Variants in SLC16A7 observed in about 807,000 individuals in gnomAD.
The protein encoded by SLC16A7 is monocarboxylate transporter 2.
A neutral mutation model predicts 34.9 loss-of-function variants in SLC16A7; 33 were observed. That is an observed-to-expected ratio of 0.94 (90% confidence interval 0.72 to 1.26). SLC16A7 has a LOEUF of 1.26. Ranked by LOEUF, SLC16A7 falls within the 50% of genes most tolerant of loss-of-function variation. The pLI is 0.00. For synonymous variants in SLC16A7, 201 were observed against 206.6 expected (o/e 0.97, Z 0.23); for missense variants, 573 against 578.1 (o/e 0.99, Z 0.09).
intron 2 of SLC16A7, among the ~76,000 whole-genome samples, chr12:59,656,143 CT>C (rs2137024152): frequency 6.6e-6 from 1 of 152,066 alleles, no homozygotes; most frequent in Non-Finnish European, 1.5e-5. Context: ...ATTCTGTCTT[CT>C]ACCTCTGTTG....
At chr12:59,697,569 G>A (rs1872453402) in intron 2 of SLC16A7, among the ~76,000 whole-genome samples, 1 of 151,724 alleles carries the variant, frequency 6.6e-6, no homozygotes, top group Non-Finnish European at 1.5e-5. Flanking sequence ...TGTATATACT[G>A]TAGTCAAGAT....
chr12:59,751,540 G>A (rs1238234241), intron 3 of SLC16A7, among the ~76,000 whole-genome samples: 1 of 152,226 alleles, frequency 6.6e-6, no homozygotes, highest in African/African-American at 2.4e-5. Flanking sequence ...AGGCGGCAGC[G>A]AGGCTGGGGG....
intron 3 of SLC16A7, among the ~76,000 whole-genome samples, chr12:59,712,367 G>A (rs902997541): frequency 7.9e-5 from 12 of 152,126 alleles, no homozygotes; most frequent in African/African-American, 2.2e-4. Context: ...CATATTTTCC[G>A]TGGCATTTCT....
At chr12:59,597,564 CA>C (rs1878481282) in intron 1 of SLC16A7, among the ~76,000 whole-genome samples, 1 of 152,180 alleles carries the variant, frequency 6.6e-6, no homozygotes, top group African/African-American at 2.4e-5. Flanking sequence ...ACTGGAACCA[CA>C]AGCACTAAGT....
chr12:59,789,093 CTCTT>C lies in SLC16A7; in HGVS notation c.*9419_*9422del, dbSNP rs1237579443. On this transcript the variant is annotated 3_prime_UTR_variant, in exon 6 of 6. Transcript: ENST00000547379. ...GTTTCAAATATATTTTCAAATTCAT[CTCTT>C]TCTTACTAGACTGTGAGCTCCTTGT... is the stretch of plus-strand genomic sequence containing the variant. 5 of 152,110 alleles carry C rather than the reference CTCTT, an allele frequency of 3.3e-5. No homozygotes were observed. The highest frequency in any genetic ancestry group is 5.9e-5 in the Non-Finnish European group (4 of 67,958). The allele number at this position is 152,110 out of a possible 1,614,324, so 9.4% of individuals were successfully genotyped here. A position where few individuals can be genotyped will look rare whatever the true frequency, so the allele number is the denominator to read the frequency against.
At position 59,704,770 on chromosome 12, in the gene SLC16A7, A is replaced by T; in HGVS notation, c.-30-2A>T. The T allele has an allele frequency of 7.0e-7, 1 of 1,428,086 alleles. No homozygotes were observed. Among genetic ancestry groups the T allele is most frequent in the Non-Finnish European group, 9.8e-7 (1 of 1,019,706 alleles). The allele number at this position is 1,428,086 out of a possible 1,614,324, so 88.5% of individuals were successfully genotyped here. On this transcript the variant is annotated splice_acceptor_variant, in intron 2 of 5. Coordinates refer to ENST00000547379, the MANE Select transcript of SLC16A7 (RefSeq NM_001270623.2). LOFTEE classifies it low-confidence loss of function (5UTR_SPLICE). The stretch of plus-strand genomic sequence containing the variant: ...AACTGTTATTTCATTATTTTAATAT[A>T]GGTTACTTGAATTTCCACTAGAGGA...
rs868077610 is a variant in SLC16A7, at chr12:59,607,904, C to A, written c.-130+11668C>A. Among the ~76,000 whole-genome samples, 48 of 152,166 alleles carry A rather than the reference C, an allele frequency of 3.2e-4. 1 individual carries two copies. In the Middle Eastern group the frequency reaches 0.01, roughly 32 times the overall value. ...GTAGATCCTCTTTATCCAATAATAT[C>A]CAGAAATGGACTCTTAAAATGAAAA... On this transcript the variant is annotated intron_variant, in intron 1 of 5. Transcript: ENST00000547379.
intron 2 of SLC16A7, 133 bp from the exon 3 acceptor site, chr12:59,704,633 CTGAGTA>C (rs1326771759): frequency 5.8e-6 from 3 of 516,754 alleles, no homozygotes; most frequent in African/African-American, 3.8e-5. Context: ...TGGTAATTTT[CTGAGTA>C]TAAGAGTGTG....
At chr12:59,733,850 C>T (rs1320355777) in intron 3 of SLC16A7, 1 of 455,320 alleles carries the variant, frequency 2.2e-6, no homozygotes, top group African/African-American at 2.0e-5. Context: ...CTTCTTTCTG[C>T]AGGCAGGTCG....
chr12:59,751,066 C>CG (rs1372412587), intron 3 of SLC16A7, among the ~76,000 whole-genome samples: 1 of 48,798 alleles, frequency 2.0e-5, no homozygotes. Flanking sequence ...TGTCGGGGGG[C>CG]GGGGGGCTAG....
chr12:59,635,516 A>G (rs990373576), intron 1 of SLC16A7, among the ~76,000 whole-genome samples: 3 of 152,088 alleles, frequency 2.0e-5, no homozygotes, highest in African/African-American at 7.2e-5. Context: ...TAATTACTTG[A>G]ACACCATTTC....
intron 3 of SLC16A7, among the ~76,000 whole-genome samples, chr12:59,756,055 T>G (rs981552517): frequency 6.6e-6 from 1 of 152,210 alleles, no homozygotes; most frequent in Non-Finnish European, 1.5e-5. Flanking sequence ...GCTAGCCATA[T>G]GGAGAAAGCT....
In SLC16A7 at chr12:59,788,938, C is replaced by T. The variant is rs2137522478; in HGVS notation, c.*9259C>T. The T allele has an allele frequency of 6.6e-6, 1 of 152,082 alleles. No homozygotes were observed. The highest frequency in any genetic ancestry group is 2.4e-5 in the African/African-American group (1 of 41,528). The allele number at this position is 152,082 out of a possible 1,614,324, so 9.4% of individuals were successfully genotyped here. On this transcript the variant is annotated 3_prime_UTR_variant, in exon 6 of 6. Coordinates refer to ENST00000547379, the MANE Select transcript of SLC16A7 (RefSeq NM_001270623.2). Reference sequence around the variant, plus strand: ...CACACTTGTTTAAGTTCTTGCCTTTCAGGTATACTACAGCGTTATATGAAC... The same window carrying T: ...CACACTTGTTTAAGTTCTTGCCTTTTAGGTATACTACAGCGTTATATGAAC...
intron 1 of SLC16A7, among the ~76,000 whole-genome samples, chr12:59,599,628 G>A (rs1878590047): frequency 6.6e-6 from 1 of 152,208 alleles, no homozygotes; most frequent in Admixed American, 6.5e-5. Flanking sequence ...GAACACCAAA[G>A]ACGATAACAA....
chr12:59,702,155 A>G (rs1333736295), intron 2 of SLC16A7, among the ~76,000 whole-genome samples: 1 of 151,870 alleles, frequency 6.6e-6, no homozygotes, highest in Non-Finnish European at 1.5e-5. Context: ...ATAGATTCAG[A>G]TTCTTTAGAC....
chr12:59,779,429 T>C lies in SLC16A7; in HGVS notation c.1187T>C (p.Leu396Ser). Residue 396 changes from leucine to serine, a missense_variant, in exon 6 of 6, where the codon TTG (leucine) becomes TCG (serine). Transcript: ENST00000547379. ...VLLGPPLAGKLVDLTGEYKYM... is the reference protein window; with the variant it reads ...VLLGPPLAGKSVDLTGEYKYM... ...GATGTTCTTTGTCTTCTAGGTAAAT[T>C]GGTGGATTTAACTGGAGAATATAAA... is the stretch of plus-strand genomic sequence containing the variant. The C allele has an allele frequency of 3.2e-6, 5 of 1,584,552 alleles. No individual in the cohort carries two copies. Among genetic ancestry groups the C allele is most frequent in the Non-Finnish European group, 4.3e-6 (5 of 1,162,878 alleles).
intron 3 of SLC16A7, among the ~76,000 whole-genome samples, chr12:59,722,308 T>A (rs1875699573): frequency 6.6e-6 from 1 of 151,942 alleles, no homozygotes; most frequent in Admixed American, 6.6e-5. Context: ...CAACACTTAA[T>A]CACTTCTCAT....
In SLC16A7 at chr12:59,780,049, A is replaced by G. The variant is rs1883128462; in HGVS notation, c.*370A>G. The G allele has an allele frequency of 1.1e-5, 2 of 185,516 alleles. No individual in the cohort carries two copies. The allele number at this position is 185,516 out of a possible 1,614,324, so 11.5% of individuals were successfully genotyped here. A position where few individuals can be genotyped will look rare whatever the true frequency, so the allele number is the denominator to read the frequency against. ...TAGAAGGAGGATGCCTAATCCTACA[A>G]AGTGACCCTTTATACATTTCATTTT... On this transcript the variant is annotated 3_prime_UTR_variant, in exon 6 of 6. Coordinates refer to ENST00000547379, the MANE Select transcript of SLC16A7 (RefSeq NM_001270623.2).
chr12:59,679,995 G>A (rs1275596506), intron 2 of SLC16A7, among the ~76,000 whole-genome samples: 1 of 152,128 alleles, frequency 6.6e-6, no homozygotes, highest in Non-Finnish European at 1.5e-5. Context: ...ACTTATTCAT[G>A]TTAATCATTT....
Sources: gnomAD v4.1 joint callset for allele counts (sites outside exome capture counted in the v4.1 genomes callset) on GRCh38, gnomAD v4.1.1 for gene constraint, MANE v1.5 for transcripts, NCBI Gene and HGNC (gene_info 2026-07-23, HGNC 2026-07-21) for gene names.